The following RPRD2 variants were observed in gnomAD, a reference collection of about 807,000 sequenced individuals.
The protein encoded by RPRD2 is regulation of nuclear pre-mRNA domain containing 2, also known as regulation of nuclear pre-mRNA domain-containing protein 2.
A neutral mutation model predicts 104.4 loss-of-function variants in RPRD2; 12 were observed. The ratio of observed to expected loss-of-function variants is 0.11; its 90% CI spans 0.07 to 0.19. The LOEUF is 0.19. Among genes scored for constraint, RPRD2 ranks in the 10% least tolerant of loss-of-function variants. The pLI, the probability that RPRD2 is intolerant of heterozygous loss-of-function variation, is 1.00. For missense variants in RPRD2, 1,543 were observed against 1,790.1 expected, an observed-to-expected ratio of 0.86 and a Z score of 2.49; for synonymous variants, 714 against 684.9, an observed-to-expected ratio of 1.04 and a Z score of -0.66.
At chr1:150,455,908 T>C (rs1667494302) in intron 7 of RPRD2, among the ~76,000 whole-genome samples, 2 of 152,134 alleles carry the variant, frequency 1.3e-5, no homozygotes, top group Non-Finnish European at 2.9e-5. Flanking sequence ...TGACCTGGGC[T>C]CAAGCAGTCC....
At chr1:150,384,452 TTATTATTATTA>T (rs1553881412) in intron 1 of RPRD2, among the ~76,000 whole-genome samples, 1 of 54,300 alleles carries the variant, frequency 1.8e-5, no homozygotes, top group African/African-American at 5.3e-5. Flanking sequence ...ATCATCATCA[TTATTATTATTA>T]TTATTATTAT....
chr1:150,397,399 TG>T lies in RPRD2; in HGVS notation c.206-20196del, dbSNP rs1662609739. ...TTTAAATGTACAGTTCTATAAATTTTGATGAATTTATAATTGTGTAGCCACC... is the reference window on the plus strand; with the variant it reads ...TTTAAATGTACAGTTCTATAAATTTTATGAATTTATAATTGTGTAGCCACC... On this transcript the variant is annotated intron_variant, in intron 1 of 10. Transcript: ENST00000369068. 4.6e-5 allele frequency among the ~76,000 whole-genome samples: 7 copies of T among 152,308 alleles called. No individual in the cohort carries two copies. In the South Asian group the frequency reaches 1.4e-3, roughly 32 times the overall value.
intron 2 of RPRD2, among the ~76,000 whole-genome samples, chr1:150,431,877 T>C (rs1008015692): frequency 2.0e-5 from 3 of 152,182 alleles, no homozygotes; most frequent in Non-Finnish European, 4.4e-5. Flanking sequence ...ACAAGTATTA[T>C]ATGATGCCAC....
chr1:150,401,740 T>G (rs1455384615), intron 1 of RPRD2, among the ~76,000 whole-genome samples: 1 of 150,860 alleles, frequency 6.6e-6, no homozygotes, highest in Non-Finnish European at 1.5e-5. Flanking sequence ...GCCTCCTGGT[T>G]TCACGCCCTT....
intron 7 of RPRD2, among the ~76,000 whole-genome samples, chr1:150,456,276 GGATA>G (rs1236092906): frequency 6.6e-6 from 1 of 151,986 alleles, no homozygotes; most frequent in African/African-American, 2.4e-5. Context: ...TTGGTTGGTT[GGATA>G]GATAAACAGG....
At position 150,373,617 on chromosome 1, in the gene RPRD2, G is replaced by A. The variant is rs112860617; in HGVS notation, c.205+8698G>A. On this transcript the variant is annotated intron_variant, in intron 1 of 10. Coordinates refer to ENST00000369068, the MANE Select transcript of RPRD2 (RefSeq NM_015203.5). The stretch of plus-strand genomic sequence containing the variant: ...TGATATGGGGAAGGCTGTGAGTGGA[G>A]CAGATTTTGGGAAGAAGATGAGAAA... Among the ~76,000 whole-genome samples the A allele has an allele frequency of 4.6e-3, 689 of 148,630 alleles. 4 individuals are homozygous for A. The highest frequency in any genetic ancestry group is 0.01 in the Middle Eastern group (3 of 290).
chr1:150,471,083 C>T lies in RPRD2; in HGVS notation c.2135C>T (p.Pro712Leu). ...ESHPSDFQRG[P>L]TSTSIDNIDG... ...CATCCCTCAGACTTCCAGCGTGGCC[C>T]TACTAGCACCTCAATCGACAACATT... is the stretch of plus-strand genomic sequence containing the variant. Residue 712 changes from proline to leucine, a missense_variant, in exon 11 of 11, where the codon CCT (proline) becomes CTT (leucine). Physicochemically the swap from Pro to Leu is moderately conservative, Grantham distance 98. This residue lies in a region of RPRD2 where 572 missense variants were observed against 787.3 expected (regional missense o/e 0.73). Coordinates refer to ENST00000369068, the MANE Select transcript of RPRD2 (RefSeq NM_015203.5). This position sits in a 1 kb window ranked among gnomAD's most constrained non-coding sequence, Gnocchi z 5.3. The T allele has an allele frequency of 2.5e-6, 4 of 1,614,018 alleles. No homozygotes were observed. The highest frequency in any genetic ancestry group is 3.4e-6 in the Non-Finnish European group (4 of 1,179,902).
At chr1:150,433,774 G>C (rs1553892490) in intron 2 of RPRD2, among the ~76,000 whole-genome samples, 1 of 90,958 alleles carries the variant, frequency 1.1e-5, no homozygotes, top group Non-Finnish European at 2.4e-5. Context: ...TTCTAAATAA[G>C]TTTTACACTG....
chr1:150,383,182 A>G (rs1352533627), intron 1 of RPRD2, among the ~76,000 whole-genome samples: 1 of 150,870 alleles, frequency 6.6e-6, no homozygotes, highest in Non-Finnish European at 1.5e-5. Flanking sequence ...TTTTGTAGAG[A>G]TGATGTCTTG....
chr1:150,407,688 A>G (rs1490824659), intron 1 of RPRD2, among the ~76,000 whole-genome samples: 2 of 152,226 alleles, frequency 1.3e-5, no homozygotes, highest in African/African-American at 4.8e-5. Context: ...ACCCTCAACA[A>G]AGCAACTAAG....
At chr1:150,469,566 C>T (rs1008059233) in intron 10 of RPRD2, among the ~76,000 whole-genome samples, 1 of 152,098 alleles carries the variant, frequency 6.6e-6, no homozygotes, top group South Asian at 2.1e-4. Context: ...CATGAGCCAC[C>T]GTGCCCAGCC....
intron 1 of RPRD2, among the ~76,000 whole-genome samples, chr1:150,404,041 G>A (rs1572405660): frequency 6.6e-6 from 1 of 152,254 alleles, no homozygotes; most frequent in East Asian, 1.9e-4. Context: ...AAGCCTAGAG[G>A]AAATGGAGAA....
Position 150,457,438 on chromosome 1 carries a change from A to G in RPRD2, c.1021A>G (p.Met341Val), listed in dbSNP as rs1010727576. ...PTGSESPFQGMGGEESQSPTM... is the reference protein window; with the variant it reads ...PTGSESPFQGVGGEESQSPTM... The stretch of plus-strand genomic sequence containing the variant: ...TGGTTCTGAGTCTCCTTTTCAGGGA[A>G]TGGGAGGTGAGGAATCCCAGTCACC... The change falls in exon 8 of 11, where the codon ATG becomes GTG. Residue 341 changes from methionine to valine, a missense_variant. Coordinates refer to ENST00000369068, the MANE Select transcript of RPRD2 (RefSeq NM_015203.5). 1.2e-6 allele frequency: 2 copies of G among 1,613,834 alleles called. No homozygotes were observed. The highest frequency in any genetic ancestry group is 1.3e-5 in the African/African-American group (1 of 74,996).
At chr1:150,438,737 G>A (rs1435442180) in intron 2 of RPRD2, among the ~76,000 whole-genome samples, 1 of 152,174 alleles carries the variant, frequency 6.6e-6, no homozygotes, top group Non-Finnish European at 1.5e-5. Flanking sequence ...ACTAAAAACC[G>A]AAGCTATGTT....
chr1:150,437,381 A>G (rs1386448767), intron 2 of RPRD2, among the ~76,000 whole-genome samples: 2 of 152,192 alleles, frequency 1.3e-5, no homozygotes, highest in African/African-American at 4.8e-5. Context: ...CTGCAGTCCC[A>G]GCTACCATGA....
chr1:150,368,536 T>C (rs901795068), intron 1 of RPRD2, among the ~76,000 whole-genome samples: 1 of 149,846 alleles, frequency 6.7e-6, no homozygotes, highest in Non-Finnish European at 1.5e-5. Flanking sequence ...CGATCTCAGC[T>C]CACTGCAACC....
chr1:150,428,494 C>T (rs1187630575), intron 2 of RPRD2, among the ~76,000 whole-genome samples: 1 of 148,928 alleles, frequency 6.7e-6, no homozygotes, highest in East Asian at 2.0e-4. Context: ...TCCTCATTCA[C>T]TGTTTTTCAG....
intron 7 of RPRD2, among the ~76,000 whole-genome samples, chr1:150,447,078 G>A (rs1033404223): frequency 2.0e-5 from 3 of 151,802 alleles, no homozygotes; most frequent in South Asian, 2.1e-4. Flanking sequence ...CGGGTGATCC[G>A]CCTGCCTTGG....
In RPRD2 at chr1:150,475,593, G is replaced by A. The variant is rs1668853753; in HGVS notation, c.*2259G>A. 6.6e-6 allele frequency: 1 copy of A among 152,486 alleles called. No homozygotes were observed. Among genetic ancestry groups the A allele is most frequent in the Non-Finnish European group, 1.5e-5 (1 of 68,022 alleles). 9.4% of individuals were successfully genotyped at this position (152,486 alleles called of 1,614,324 possible). A position where few individuals can be genotyped will look rare whatever the true frequency, so the allele number is the denominator to read the frequency against. Reference sequence around the variant, plus strand: ...TGTGGGGTACTTTTTTGTTTTTTAAGCCACAAAATCCTCAATATGTTTGTT... The same window carrying A: ...TGTGGGGTACTTTTTTGTTTTTTAAACCACAAAATCCTCAATATGTTTGTT... On this transcript the variant is annotated 3_prime_UTR_variant, in exon 11 of 11. Transcript: ENST00000369068.
Sources: allele counts gnomAD v4.1 joint callset (sites outside exome capture counted in the v4.1 genomes callset), GRCh38; gene constraint gnomAD v4.1.1; regional missense constraint gnomAD v4.1.1; non-coding constraint Gnocchi (gnomAD v3.1); transcripts MANE v1.5; gene names NCBI Gene and HGNC (gene_info 2026-07-23, HGNC 2026-07-21).